TNNT2: variants seen among roughly 807,000 people sequenced by gnomAD.
TNNT2 encodes the protein troponin T2, cardiac type.
Under a neutral mutation model 62.4 loss-of-function variants are expected in TNNT2, and 34 were observed. The ratio of observed to expected loss-of-function variants is 0.54; its 90% confidence interval spans 0.41 to 0.72. TNNT2 has a LOEUF of 0.72. Ranked by LOEUF, TNNT2 falls within the 30% of genes least tolerant of loss-of-function variation. The pLI, the probability that TNNT2 is intolerant of heterozygous loss-of-function variation, is 0.00. For synonymous variants in TNNT2, 123 were observed against 127.2 expected, an observed-to-expected ratio of 0.97 and a Z score of 0.22; for missense variants, 275 against 381.9, an observed-to-expected ratio of 0.72 and a Z score of 2.33.
At chr1:201,366,581 C>G in intron 8 of TNNT2, 1 of 1,390,662 alleles carries the variant, frequency 7.2e-7, no homozygotes, top group African/African-American at 1.5e-5. Flanking sequence ...GTTCAGGGCC[C>G]TTCCTCTAGA....
rs1431025119 is a variant in TNNT2 at position 201,373,231 on chromosome 1, C to T, written c.24G>A (p.Val8=). The T allele has an allele frequency of 1.2e-6, 2 of 1,614,156 alleles. No homozygotes were observed. Among genetic ancestry groups the T allele is most frequent in the South Asian group, 2.2e-5 (2 of 91,082 alleles). Residue 8 remains valine, a synonymous_variant, in exon 2 of 17, where the codon GTG becomes GTA. Transcript: ENST00000656932. MSDIEEV[V]EEYEEEEQEE... ...ATACTCACTCCTCCTCGTACTCTTC[C>T]ACCACCTCTTCTATGTCAGACATGG...
At chr1:201,363,457 C>G (rs752091462) in intron 11 of TNNT2, 51 bp from the exon 12 acceptor site, 7 of 1,558,328 alleles carry the variant, frequency 4.5e-6, no homozygotes, top group Non-Finnish European at 6.2e-6. Flanking sequence ...GGATTGGAAA[C>G]CCTGATTCTG....
intron 9 of TNNT2, 142 bp from the exon 10 acceptor site, chr1:201,365,449 T>C: frequency 8.4e-7 from 1 of 1,187,522 alleles, no homozygotes; most frequent in South Asian, 1.2e-5. Context: ...AACTGTGGCC[T>C]GAACCCAGGA....
At chr1:201,376,622 G>A (rs768257464) in intron 1 of TNNT2, among the ~76,000 whole-genome samples, 2 of 152,138 alleles carry the variant, frequency 1.3e-5, no homozygotes, top group African/African-American at 2.4e-5. Flanking sequence ...TAAGACATGG[G>A]TCAGAAAAGG....
At chr1:201,361,549 G>A (rs2102231334) in intron 14 of TNNT2, among the ~76,000 whole-genome samples, 180 bp from the exon 15 acceptor site, 1 of 152,270 alleles carries the variant, frequency 6.6e-6, no homozygotes, top group African/African-American at 2.4e-5. Context: ...GCAGCACCCA[G>A]TGCTCAGGAA....
chr1:201,373,120 C>T, intron 2 of TNNT2, 94 bp downstream of exon 2: 1 of 1,295,830 alleles, frequency 7.7e-7, no homozygotes. Flanking sequence ...TACTTCTACC[C>T]AGAATCCGAG....
chr1:201,374,847 CA>C (rs1424797133), intron 1 of TNNT2: 1 of 152,240 alleles, frequency 6.6e-6, no homozygotes, highest in African/African-American at 2.4e-5. Context: ...ATGCCAGCTC[CA>C]CAGCCTTCCT....
At position 201,359,632 on chromosome 1, in the gene TNNT2, T is replaced by A. The variant is rs863225119; in HGVS notation, c.842A>T (p.Asn281Ile). 2.5e-6 allele frequency: 4 copies of A among 1,599,056 alleles called. No homozygotes were observed. Among genetic ancestry groups the A allele is most frequent in the Admixed American group, 3.4e-5 (2 of 58,598 alleles). ...INVLRNRINDNQKVSKTRGKA... is the reference protein window; with the variant it reads ...INVLRNRINDIQKVSKTRGKA... ...GACCTCAGACACTTACACTTTCTGGTTATCGTTGATCCTGTTTCGGAGAAC... is the reference window on the plus strand; with the variant it reads ...GACCTCAGACACTTACACTTTCTGGATATCGTTGATCCTGTTTCGGAGAAC... The change falls in exon 16 of 17, where the codon AAC becomes ATC. Residue 281 changes from asparagine (N) to isoleucine (I), a missense_variant. Coordinates refer to ENST00000656932, the MANE Select transcript of TNNT2 (RefSeq NM_001276345.2).
chr1:201,367,384 A>G (rs1472591234), intron 7 of TNNT2: 2 of 409,822 alleles, frequency 4.9e-6, no homozygotes, highest in Non-Finnish European at 9.1e-6. Context: ...CAGCATGACG[A>G]TGACTGCAGC....
intron 10 of TNNT2, among the ~76,000 whole-genome samples, chr1:201,364,625 C>T (rs553254423): frequency 6.6e-5 from 10 of 152,366 alleles, no homozygotes; most frequent in Non-Finnish European, 1.0e-4. Flanking sequence ...TGGGAGACAT[C>T]AGGCAGGCTC....
chr1:201,359,526 G>A lies in TNNT2; in HGVS notation c.851+97C>T, dbSNP rs1658197867. ...GGGCTGAAGCAGAGGAGGAAGGGCT[G>A]GGAGCCTGGGGCCCTCCAAGGAGGA... On this transcript the variant is annotated intron_variant, in intron 16 of 16. Transcript: ENST00000656932. The A allele has an allele frequency of 6.2e-6, 8 of 1,282,356 alleles. No individual in the cohort carries two copies. The South Asian group carries it at 1.0e-4, about 16-fold the overall frequency. 79.4% of individuals were successfully genotyped at this position (1,282,356 alleles called of 1,614,324 possible).
At position 201,363,372 on chromosome 1, in the gene TNNT2, C is replaced by T; in HGVS notation, c.524G>A (p.Arg175Lys). The change falls in exon 12 of 17, where the codon AGG becomes AAG. Residue 175 changes from arginine to lysine, a missense_variant. Physicochemically the swap from Arg to Lys is conservative, Grantham distance 26. Transcript: ENST00000656932. ...ERARREEEEN[R>K]RKAEDEARKK... The stretch of plus-strand genomic sequence containing the variant: ...CCGGGCCTCATCCTCAGCCTTCCTC[C>T]TGTTCTCCTCCTCCTCTCGTCGAGC... 1 of 1,614,094 alleles carries T rather than the reference C, an allele frequency of 6.2e-7. No homozygotes were observed. Among genetic ancestry groups the T allele is most frequent in the East Asian group, 2.2e-5 (1 of 44,890 alleles).
intron 12 of TNNT2, 80 bp from the exon 13 acceptor site, chr1:201,362,474 A>G: frequency 6.5e-7 from 1 of 1,549,128 alleles, no homozygotes; most frequent in Non-Finnish European, 8.9e-7. Context: ...AGGCAGGAAG[A>G]CAAAGGCAAG....
Position 201,366,363 on chromosome 1 carries a change from GCC to G in TNNT2, c.233+473_233+474del, listed in dbSNP as rs3841823. The G allele has an allele frequency of 9.8e-6, 10 of 1,018,732 alleles. No homozygotes were observed. The African/African-American group carries it at 1.5e-4, about 16-fold the overall frequency. The allele number at this position is 1,018,732 out of a possible 1,614,324, so 63.1% of individuals were successfully genotyped here. A position where few individuals can be genotyped will look rare whatever the true frequency, so the allele number is the denominator to read the frequency against. On this transcript the variant is annotated intron_variant, in intron 8 of 16. Coordinates refer to ENST00000656932, the MANE Select transcript of TNNT2 (RefSeq NM_001276345.2). ...AAAGGGAAATGCTCCCTATCCCCCA[GCC>G]CCCCCCAGCACACACCACCTTCAGG...
At chr1:201,360,836 T>A (rs959466074) in intron 15 of TNNT2, 2 of 304,342 alleles carry the variant, frequency 6.6e-6, no homozygotes, top group Middle Eastern at 1.2e-3. Context: ...TTAGTGCACA[T>A]AGGACTCCGA....
At chr1:201,366,369 C>A (rs936788685) in intron 8 of TNNT2, 13 of 1,055,260 alleles carry the variant, frequency 1.2e-5, no homozygotes, top group African/African-American at 1.7e-5. Context: ...CCCAGCCCCC[C>A]CCAGCACACA....
rs777894361 is a variant in TNNT2 at position 201,368,263 on chromosome 1, C to A, written c.98-36G>T. 8.7e-6 allele frequency: 14 copies of A among 1,608,150 alleles called. No individual in the cohort carries two copies. The South Asian group carries it at 1.3e-4, about 15-fold the overall frequency. ...GAAGCAGACAGAGTGAAGAAGCAGG[C>A]CCCACTCATGCTATCAGGCAGAACC... On this transcript the variant is annotated intron_variant, in intron 5 of 16. Coordinates refer to ENST00000656932, the MANE Select transcript of TNNT2 (RefSeq NM_001276345.2).
intron 6 of TNNT2, 67 bp downstream of exon 6, chr1:201,368,095 C>T: frequency 3.3e-6 from 5 of 1,530,580 alleles, no homozygotes; most frequent in Non-Finnish European, 4.5e-6. Context: ...TTTCTTACTG[C>T]CTCAGGAATG....
chr1:201,372,224 A>G, intron 2 of TNNT2, 69 bp from the exon 3 acceptor site: 2 of 1,603,580 alleles, frequency 1.2e-6, no homozygotes, highest in Non-Finnish European at 1.7e-6. Flanking sequence ...GCCTGCACAC[A>G]CATGCACACA....
Sources: gnomAD v4.1 joint callset for allele counts (sites outside exome capture counted in the v4.1 genomes callset) on GRCh38, gnomAD v4.1.1 for gene constraint, MANE v1.5 for transcripts, NCBI Gene and HGNC (gene_info 2026-07-23, HGNC 2026-07-21) for gene names.